MACROD2: variants seen among roughly 807,000 people sequenced by gnomAD.
MACROD2 encodes the protein mono-ADP ribosylhydrolase 2, also known as ADP-ribose glycohydrolase MACROD2.
A neutral mutation model predicts 70.4 loss-of-function variants in MACROD2; 36 were observed. The ratio of observed to expected loss-of-function variants is 0.51; its 90% CI spans 0.39 to 0.68. The LOEUF (loss-of-function observed/expected upper bound fraction) is 0.68. Ranked by LOEUF, MACROD2 falls within the 30% of genes least tolerant of loss-of-function variation. The pLI, the probability that MACROD2 is intolerant of heterozygous loss-of-function variation, is 0.00. For missense variants in MACROD2, 496 were observed against 538.4 expected (o/e 0.92, Z 0.78); for synonymous variants, 172 against 178.8 (o/e 0.96, Z 0.30).
At chr20:14,992,981 T>A (rs1182180067) in intron 5 of MACROD2, among the ~76,000 whole-genome samples, 1 of 152,136 alleles carries the variant, frequency 6.6e-6, no homozygotes, top group Non-Finnish European at 1.5e-5. Flanking sequence ...ACAAATACAA[T>A]AGAATATTTA....
At chr20:14,353,737 T>C (rs1206975018) in intron 3 of MACROD2, among the ~76,000 whole-genome samples, 1 of 152,166 alleles carries the variant, frequency 6.6e-6, no homozygotes, top group African/African-American at 2.4e-5. Flanking sequence ...CCTCTATGTC[T>C]CTTTTGAAGG....
At chr20:15,818,966 T>C (rs1253880882) in intron 8 of MACROD2, among the ~76,000 whole-genome samples, 1 of 152,064 alleles carries the variant, frequency 6.6e-6, no homozygotes, top group Non-Finnish European at 1.5e-5. Flanking sequence ...GCCGTGAAGT[T>C]ATTACACAAC....
At chr20:13,997,667 AT>A (rs1050568778) in intron 1 of MACROD2, among the ~76,000 whole-genome samples, 2 of 151,964 alleles carry the variant, frequency 1.3e-5, no homozygotes, top group African/African-American at 2.4e-5. Context: ...TATATAACCA[AT>A]TTTTTTTCCT....
intron 1 of MACROD2, among the ~76,000 whole-genome samples, chr20:14,001,515 A>G (rs747702766): frequency 6.6e-6 from 1 of 151,958 alleles, no homozygotes; most frequent in Non-Finnish European, 1.5e-5. Context: ...CTGTCTTAGC[A>G]TTTTATTTAT....
At chr20:15,250,011 C>G (rs1163013280) in intron 6 of MACROD2, among the ~76,000 whole-genome samples, 1 of 152,194 alleles carries the variant, frequency 6.6e-6, no homozygotes, top group Non-Finnish European at 1.5e-5. Flanking sequence ...AGAAAAGAAA[C>G]TTTTAAGGCA....
chr20:15,446,922 G>C (rs183525360), intron 7 of MACROD2, among the ~76,000 whole-genome samples: 282 of 152,188 alleles, frequency 1.9e-3, no homozygotes, highest in African/African-American at 6.4e-3. Flanking sequence ...AATGTGCCTC[G>C]TGGCCAGGAT....
rs565225431 is a variant in MACROD2 at position 15,758,743 on chromosome 20, A to G, written c.646-104002A>G. On this transcript the variant is annotated intron_variant, in intron 8 of 17. Transcript: ENST00000684519. The stretch of plus-strand genomic sequence containing the variant: ...TTTTTTGTAGGGATGGTGTCTCACC[A>G]TCTTGCCCAGGATGGTCTTGAATGC... Among the ~76,000 whole-genome samples the G allele has an allele frequency of 4.0e-5, 6 of 151,754 alleles. No homozygotes were observed. The South Asian group carries it at 1.2e-3, about 32-fold the overall frequency.
At chr20:15,541,030 G>T (rs6110665) in intron 8 of MACROD2, among the ~76,000 whole-genome samples, 1 of 152,180 alleles carries the variant, frequency 6.6e-6, no homozygotes, top group Non-Finnish European at 1.5e-5. Flanking sequence ...CTGTGGTTTA[G>T]GTCTTCAAGG....
At chr20:15,185,007 T>C (rs2145906835) in intron 5 of MACROD2, among the ~76,000 whole-genome samples, 1 of 152,314 alleles carries the variant, frequency 6.6e-6, no homozygotes, top group South Asian at 2.1e-4. Flanking sequence ...GACTACTAAA[T>C]ACAGTGGGGG....
rs546681165 is a variant in MACROD2 at position 14,325,853 on chromosome 20, C to T, written c.272-167626C>T. The T allele has an allele frequency of 7.4e-6, 12 of 1,613,918 alleles. 1 individual carries two copies. In the Admixed American group the frequency reaches 2.0e-4, roughly 27 times the overall value. On this transcript the variant is annotated intron_variant, in intron 3 of 17. Coordinates refer to ENST00000684519, the MANE Select transcript of MACROD2 (RefSeq NM_001351661.2). ...GAGAAGAGCGATCCATTCCTATGAA[C>T]ATACCAACACACTAAAGCAAGAAGG...
intron 5 of MACROD2, among the ~76,000 whole-genome samples, chr20:14,882,605 C>T (rs1279084349): frequency 6.6e-6 from 1 of 152,108 alleles, no homozygotes; most frequent in Non-Finnish European, 1.5e-5. Flanking sequence ...CAATAAAATG[C>T]TATTTGGTTG....
At chr20:14,552,167 G>A (rs1387306385) in intron 4 of MACROD2, among the ~76,000 whole-genome samples, 5 of 150,470 alleles carry the variant, frequency 3.3e-5, no homozygotes, top group Non-Finnish European at 5.9e-5. Flanking sequence ...TTTATTTCAT[G>A]TGACCTTGGA....
intron 3 of MACROD2, among the ~76,000 whole-genome samples, chr20:14,206,540 G>T (rs1373805445): frequency 6.6e-6 from 1 of 151,990 alleles, no homozygotes; most frequent in South Asian, 2.1e-4. Flanking sequence ...CTATGATCTT[G>T]TTATTTCTTG....
chr20:15,935,488 G>A (rs1337877079), intron 11 of MACROD2, among the ~76,000 whole-genome samples: 1 of 152,112 alleles, frequency 6.6e-6, no homozygotes, highest in Admixed American at 6.5e-5. Context: ...TGACCTGCTG[G>A]TATTTTTCCA....
intron 3 of MACROD2, among the ~76,000 whole-genome samples, chr20:14,175,329 T>C (rs769338615): frequency 5.9e-5 from 9 of 152,248 alleles, no homozygotes; most frequent in Non-Finnish European, 1.0e-4. Flanking sequence ...TGCAGTTCTT[T>C]CAGCTGTAAT....
At chr20:15,254,255 AGT>A (rs113532919) in intron 6 of MACROD2, among the ~76,000 whole-genome samples, 16,760 of 152,176 alleles carry the variant, frequency 0.11, 1,188 homozygotes, top group African/African-American at 0.19. Context: ...GTTCAAAAAA[AGT>A]GTAAACAGTA....
At chr20:14,827,768 G>A (rs796826457) in intron 5 of MACROD2, among the ~76,000 whole-genome samples, 1 of 151,476 alleles carries the variant, frequency 6.6e-6, no homozygotes, top group Non-Finnish European at 1.5e-5. Context: ...ATTATTCAGA[G>A]TATTGGAGGT....
chr20:15,391,681 C>T (rs1312376154), intron 6 of MACROD2, among the ~76,000 whole-genome samples: 2 of 152,194 alleles, frequency 1.3e-5, no homozygotes, highest in African/African-American at 4.8e-5. Context: ...TTTATTTTCT[C>T]TGATTCCTTT....
intron 5 of MACROD2, among the ~76,000 whole-genome samples, chr20:15,172,843 T>C (rs1236185050): frequency 6.6e-6 from 1 of 152,330 alleles, no homozygotes; most frequent in African/African-American, 2.4e-5. Context: ...ATACAATTAA[T>C]TGGGGAAGCA....
Sources: allele counts gnomAD v4.1 joint callset (sites outside exome capture counted in the v4.1 genomes callset), GRCh38; gene constraint gnomAD v4.1.1; transcripts MANE v1.5; gene names NCBI Gene and HGNC (gene_info 2026-07-23, HGNC 2026-07-21).